The following PARVB variants were observed in gnomAD, a reference collection of about 807,000 sequenced individuals.
PARVB encodes the protein beta-parvin.
In PARVB, 46 loss-of-function variants were observed where a neutral mutation model predicts 47.0. The ratio of observed to expected loss-of-function variants is 0.98; its 90% CI spans 0.77 to 1.25. The LOEUF (loss-of-function observed/expected upper bound fraction) is 1.25, where lower values mean the gene tolerates loss of function less well. Among genes scored for constraint, PARVB ranks in the 50% most tolerant of loss-of-function variants. PARVB has a pLI of 0.00. For synonymous variants in PARVB, 196 were observed against 196.3 expected, an observed-to-expected ratio of 1.00 and a Z score of 0.01; for missense variants, 473 against 471.6, an observed-to-expected ratio of 1.00 and a Z score of -0.03.
chr22:44,129,460 C>A (rs149058606), intron 4 of PARVB, among the ~76,000 whole-genome samples: 1 of 152,198 alleles, frequency 6.6e-6, no homozygotes, highest in East Asian at 1.9e-4. Flanking sequence ...GTTCAGTCTG[C>A]GGGGCCGGAT....
intron 4 of PARVB, among the ~76,000 whole-genome samples, chr22:44,124,293 C>T (rs2053138653): frequency 1.3e-5 from 2 of 152,220 alleles, no homozygotes; most frequent in Admixed American, 6.5e-5. Flanking sequence ...ATGCCTGTGA[C>T]GGTGGCCTCA....
chr22:44,087,851 T>G (rs1184673653), intron 1 of PARVB, among the ~76,000 whole-genome samples: 10 of 150,858 alleles, frequency 6.6e-5, no homozygotes, highest in South Asian at 2.1e-4. Context: ...ATGGTGTTTT[T>G]TTTTTTTTTT....
intron 8 of PARVB, chr22:44,140,892 G>A (rs368214849): frequency 1.3e-5 from 3 of 229,524 alleles, no homozygotes; most frequent in Non-Finnish European, 1.8e-5. Flanking sequence ...GGATGGTAAC[G>A]TTTCAACCCT....
chr22:44,053,496 C>T (rs908023366), intron 1 of PARVB, among the ~76,000 whole-genome samples: 5 of 152,200 alleles, frequency 3.3e-5, no homozygotes, highest in Non-Finnish European at 7.3e-5. Flanking sequence ...GTACAGGTAG[C>T]GGGGATGCCT....
chr22:44,078,607 A>G (rs1415732494), intron 1 of PARVB, among the ~76,000 whole-genome samples: 8 of 152,200 alleles, frequency 5.3e-5, no homozygotes. Flanking sequence ...ACATCTACAA[A>G]GTCCCCCTCT....
At chr22:44,108,657 G>A (rs1378178347) in intron 3 of PARVB, 1 of 152,132 alleles carries the variant, frequency 6.6e-6, no homozygotes, top group Admixed American at 6.5e-5. Context: ...TTGTTCTCTG[G>A]TGGGCAGGGG....
chr22:44,169,746 A>G lies in PARVB; in HGVS notation c.*1068A>G, dbSNP rs2147201624. 6.7e-6 allele frequency: 1 copy of G among 150,120 alleles called. No individual in the cohort carries two copies. 9.3% of individuals were successfully genotyped at this position (150,120 alleles called of 1,614,324 possible). Reference sequence around the variant, plus strand: ...TTTTGAGACAGAGTCTCGCTCTGTCACCAGGCTGGAGTGCAGTGGTGTGAT... The same window carrying G: ...TTTTGAGACAGAGTCTCGCTCTGTCGCCAGGCTGGAGTGCAGTGGTGTGAT... On this transcript the variant is annotated 3_prime_UTR_variant, in exon 13 of 13. Transcript: ENST00000338758.
chr22:44,161,242 C>G (rs896720417), intron 11 of PARVB, among the ~76,000 whole-genome samples: 1 of 150,368 alleles, frequency 6.7e-6, no homozygotes, highest in Admixed American at 6.6e-5. Context: ...TGGAGGAGAA[C>G]GGGCACAGAT....
chr22:44,090,758 C>T (rs1228006158), intron 1 of PARVB, among the ~76,000 whole-genome samples: 7 of 152,264 alleles, frequency 4.6e-5, no homozygotes, highest in Non-Finnish European at 8.8e-5. Flanking sequence ...AGCGTGAGCA[C>T]TGCAGGCAGC....
intron 1 of PARVB, among the ~76,000 whole-genome samples, chr22:44,060,976 A>G (rs944410711): frequency 4.6e-5 from 7 of 152,186 alleles, no homozygotes; most frequent in African/African-American, 1.7e-4. Context: ...TTTAAAATGT[A>G]TTGTTGATTG....
intron 3 of PARVB, among the ~76,000 whole-genome samples, chr22:44,101,882 A>G (rs1345132510): frequency 6.6e-6 from 1 of 152,198 alleles, no homozygotes; most frequent in Admixed American, 6.5e-5. Flanking sequence ...TTTCAAACAG[A>G]AGAACGTTGA....
intron 1 of PARVB, among the ~76,000 whole-genome samples, chr22:44,032,452 G>T (rs938602577): frequency 6.6e-6 from 1 of 152,118 alleles, no homozygotes; most frequent in Non-Finnish European, 1.5e-5. Context: ...ATGGGGCAGT[G>T]TGGGCAGATC....
rs113661034 is a variant in PARVB at position 44,166,034 on chromosome 22, G to A, written c.1018+2104G>A. Among the ~76,000 whole-genome samples, 1,520 of 152,278 alleles carry A rather than the reference G, an allele frequency of 1.0e-2. 10 individuals carry two copies. Among genetic ancestry groups the A allele is most frequent in the Non-Finnish European group, 0.015 (1,010 of 68,014 alleles). On this transcript the variant is annotated intron_variant, in intron 12 of 12. Coordinates refer to ENST00000338758, the MANE Select transcript of PARVB (RefSeq NM_013327.5). ...ATCTGCAGCATGGGGTGCTTCCCCC[G>A]TACCCTCAGAAGAGCCCCTGGTGGC...
chr22:44,044,731 C>T (rs748755542), intron 1 of PARVB, among the ~76,000 whole-genome samples: 1 of 152,170 alleles, frequency 6.6e-6, no homozygotes, highest in African/African-American at 2.4e-5. Context: ...AGTGATCCAC[C>T]TGCCTTGGCC....
intron 8 of PARVB, chr22:44,142,256 T>C (rs369167781): frequency 6.6e-6 from 1 of 151,906 alleles, no homozygotes; most frequent in South Asian, 2.1e-4. Flanking sequence ...CGGGCACCTG[T>C]AGTCCCAGCT....
chr22:44,127,604 A>G (rs2053215523), intron 4 of PARVB, among the ~76,000 whole-genome samples: 1 of 152,246 alleles, frequency 6.6e-6, no homozygotes, highest in Admixed American at 6.5e-5. Flanking sequence ...ATTAGTGGTC[A>G]GGAAGAGGAA....
chr22:44,124,015 G>A (rs147281840), intron 4 of PARVB, among the ~76,000 whole-genome samples: 56 of 152,330 alleles, frequency 3.7e-4, no homozygotes, highest in South Asian at 2.1e-4. Flanking sequence ...TATCTGGCTC[G>A]CTGCTGGGTA....
At chr22:44,153,815 T>C (rs919148884) in intron 10 of PARVB, among the ~76,000 whole-genome samples, 1 of 152,136 alleles carries the variant, frequency 6.6e-6, no homozygotes, top group Non-Finnish European at 1.5e-5. Flanking sequence ...TAATGGGAAG[T>C]GTATCTCATC....
chr22:44,164,091 C>G (rs755918907), intron 12 of PARVB, among the ~76,000 whole-genome samples, 161 bp downstream of exon 12: 2 of 152,318 alleles, frequency 1.3e-5, no homozygotes, highest in East Asian at 3.9e-4. Flanking sequence ...TCAGTCTCCT[C>G]ATTTTGGGAA....
Sources: allele counts gnomAD v4.1 joint callset (sites outside exome capture counted in the v4.1 genomes callset), GRCh38; gene constraint gnomAD v4.1.1; transcripts MANE v1.5; gene names NCBI Gene and HGNC (gene_info 2026-07-23, HGNC 2026-07-21).